Variants in IMPG1 observed in about 807,000 individuals in gnomAD.
IMPG1 encodes the protein interphotoreceptor matrix proteoglycan 1.
IMPG1 carries 85 observed loss-of-function variants against 92.0 expected under a neutral mutation model. The ratio of observed to expected loss-of-function variants is 0.92; its 90% CI spans 0.78 to 1.11. IMPG1 has a LOEUF of 1.11. Among genes scored for constraint, IMPG1 ranks in the 50% least tolerant of loss-of-function variants. The probability of loss-of-function intolerance (pLI) is 0.00; values close to 1 mark genes in which losing one functional copy is unlikely to be tolerated. For missense variants in IMPG1, 1,022 were observed against 956.0 expected (o/e 1.07, Z -0.91); for synonymous variants, 367 against 334.1 (o/e 1.10, Z -1.08).
chr6:75,997,336 C>A (rs1223543815), intron 12 of IMPG1, among the ~76,000 whole-genome samples: 1 of 152,168 alleles, frequency 6.6e-6, no homozygotes, highest in Non-Finnish European at 1.5e-5. Flanking sequence ...CTGAGTTGTT[C>A]TTAAAACTCT....
chr6:75,962,156 G>A (rs979304389), intron 12 of IMPG1, among the ~76,000 whole-genome samples: 1 of 151,788 alleles, frequency 6.6e-6, no homozygotes, highest in Non-Finnish European at 1.5e-5. Flanking sequence ...TTCTTACTTT[G>A]TCACCCAGGC....
At chr6:76,008,977 G>A (rs1004837434) in intron 8 of IMPG1, among the ~76,000 whole-genome samples, 10 of 152,250 alleles carry the variant, frequency 6.6e-5, no homozygotes, top group African/African-American at 2.4e-4. Context: ...AAATCATGAT[G>A]TACTTTTGTT....
chr6:75,924,289 C>T (rs1019100958), intron 15 of IMPG1, among the ~76,000 whole-genome samples: 15 of 145,398 alleles, frequency 1.0e-4, no homozygotes, highest in African/African-American at 3.7e-4. Flanking sequence ...GATATCTGCA[C>T]TCCCATGTAT....
At chr6:75,979,736 G>A (rs7758955) in intron 12 of IMPG1, among the ~76,000 whole-genome samples, 9 of 152,008 alleles carry the variant, frequency 5.9e-5, no homozygotes, top group African/African-American at 9.7e-5. Flanking sequence ...ATTACATCAG[G>A]GATATTTTAA....
chr6:76,062,177 C>T (rs1784217597), intron 1 of IMPG1, among the ~76,000 whole-genome samples: 1 of 152,146 alleles, frequency 6.6e-6, no homozygotes, highest in African/African-American at 2.4e-5. Flanking sequence ...AAGCTGTTTA[C>T]ATTGCTTTGA....
In IMPG1 at chr6:76,016,952, G is replaced by A. The variant is rs920496507; in HGVS notation, c.807+1766C>T. On this transcript the variant is annotated intron_variant, in intron 7 of 16. Coordinates refer to ENST00000369950, the MANE Select transcript of IMPG1 (RefSeq NM_001563.4). ...GCAAAGGCCATAGACACATAAGCAAGCAGTCTCAAGAAAGGGTGTTGTGAA... is the reference window on the plus strand; with the variant it reads ...GCAAAGGCCATAGACACATAAGCAAACAGTCTCAAGAAAGGGTGTTGTGAA... Among the ~76,000 whole-genome samples, 11 of 152,270 alleles carry A rather than the reference G, an allele frequency of 7.2e-5. 2 individuals are homozygous for A. The highest frequency in any genetic ancestry group is 2.4e-5 in the African/African-American group (1 of 41,538).
In IMPG1 at chr6:76,022,183, G is replaced by T; in HGVS notation, c.599C>A (p.Thr200Asn). ...TTCATTGAGGAGGGTGTCATCAGGA[G>T]TGAGAGGGAAAGGCCCAAGTGAGAC... is the stretch of plus-strand genomic sequence containing the variant. ...ANVSLGPFPLTPDDTLLNEIL... is the reference protein window; with the variant it reads ...ANVSLGPFPLNPDDTLLNEIL... The change falls in exon 6 of 17, where the codon ACT (threonine) becomes AAT (asparagine). Residue 200 changes from threonine (T) to asparagine (N), a missense_variant. By Grantham distance (65) the Thr-to-Asn change is moderately conservative. Transcript: ENST00000369950. 6.3e-7 allele frequency: 1 copy of T among 1,596,452 alleles called. No homozygotes were observed. The highest frequency in any genetic ancestry group is 2.3e-5 in the East Asian group (1 of 44,044).
chr6:75,947,317 G>T lies in IMPG1; in HGVS notation c.2041C>A (p.Pro681Thr), dbSNP rs781610216. 1.2e-6 allele frequency: 2 copies of T among 1,611,448 alleles called. No individual in the cohort carries two copies. Among genetic ancestry groups the T allele is most frequent in the Admixed American group, 1.7e-5 (1 of 59,968 alleles). The change falls in exon 14 of 17, where the codon CCA becomes ACA. Residue 681 changes from proline to threonine, a missense_variant. Around this residue, in one of 3 missense-constraint regions of IMPG1, gnomAD observed 332 missense variants for 346.2 expected, o/e 0.96. Coordinates refer to ENST00000369950, the MANE Select transcript of IMPG1 (RefSeq NM_001563.4). ...EIDSYSLNIE[P>T]ADQADPCKFL... ...TTTCTGGGTTGGATTCTTTTACCTG[G>T]TTCAATGTTGAGAGAGTAGCTGTCT...
At chr6:76,032,899 C>A (rs1242416007) in intron 4 of IMPG1, among the ~76,000 whole-genome samples, 1 of 152,104 alleles carries the variant, frequency 6.6e-6, no homozygotes, top group East Asian at 1.9e-4. Context: ...TTGGAAAGGT[C>A]AGGAGGTGAA....
chr6:75,951,448 A>G (rs970060047), intron 12 of IMPG1, among the ~76,000 whole-genome samples: 1 of 152,166 alleles, frequency 6.6e-6, no homozygotes, highest in Non-Finnish European at 1.5e-5. Context: ...TAAGTCACCA[A>G]TTGGTGCCAA....
chr6:75,977,623 C>A (rs1286899056), intron 12 of IMPG1, among the ~76,000 whole-genome samples: 2 of 149,592 alleles, frequency 1.3e-5, no homozygotes, highest in Non-Finnish European at 3.0e-5. Context: ...CCCCAAAAAA[C>A]AAGCATACAT....
At chr6:75,977,597 A>AC (rs1194130033) in intron 12 of IMPG1, among the ~76,000 whole-genome samples, 1 of 151,890 alleles carries the variant, frequency 6.6e-6, no homozygotes, top group African/African-American at 2.4e-5. Flanking sequence ...CAAAAAAAAA[A>AC]AAAACAAAAA....
intron 12 of IMPG1, among the ~76,000 whole-genome samples, chr6:75,992,227 GC>G (rs1782824583): frequency 1.3e-5 from 2 of 152,332 alleles, no homozygotes; most frequent in South Asian, 4.1e-4. Flanking sequence ...CCACCTGCAG[GC>G]TTTGAACTTT....
At chr6:76,047,153 T>C (rs1783958753) in intron 1 of IMPG1, among the ~76,000 whole-genome samples, 1 of 152,222 alleles carries the variant, frequency 6.6e-6, no homozygotes, top group Non-Finnish European at 1.5e-5. Context: ...ACCCTTTCAC[T>C]GTGCTATTCC....
intron 12 of IMPG1, among the ~76,000 whole-genome samples, chr6:75,971,083 G>A (rs1164558634): frequency 2.0e-5 from 3 of 151,996 alleles, no homozygotes; most frequent in Non-Finnish European, 4.4e-5. Flanking sequence ...GTCCAACAAT[G>A]ATAGACTGGA....
At chr6:75,967,415 T>C (rs1050281756) in intron 12 of IMPG1, among the ~76,000 whole-genome samples, 1 of 152,036 alleles carries the variant, frequency 6.6e-6, no homozygotes, top group East Asian at 1.9e-4. Context: ...AGCTAGCTAG[T>C]CTCTTCCAAC....
At chr6:75,955,370 T>C (rs1782099685) in intron 12 of IMPG1, among the ~76,000 whole-genome samples, 1 of 152,188 alleles carries the variant, frequency 6.6e-6, no homozygotes, top group Non-Finnish European at 1.5e-5. Flanking sequence ...ATTCTCTTTG[T>C]AGCAGTTGTG....
intron 1 of IMPG1, among the ~76,000 whole-genome samples, chr6:76,054,907 A>G (rs958406927): frequency 1.3e-5 from 2 of 152,162 alleles, no homozygotes; most frequent in African/African-American, 4.8e-5. Context: ...AATTCTATGC[A>G]CTTAATAATA....
chr6:75,969,149 G>A (rs753111171), intron 12 of IMPG1, among the ~76,000 whole-genome samples: 1 of 152,160 alleles, frequency 6.6e-6, no homozygotes, highest in Non-Finnish European at 1.5e-5. Context: ...CCAGGGGCCA[G>A]GGGGAGGGGC....
Sources: allele counts gnomAD v4.1 joint callset (sites outside exome capture counted in the v4.1 genomes callset), GRCh38; gene constraint gnomAD v4.1.1; regional missense constraint gnomAD v4.1.1; transcripts MANE v1.5; gene names NCBI Gene and HGNC (gene_info 2026-07-23, HGNC 2026-07-21).